Variants in DLGAP2 observed in about 807,000 individuals in gnomAD.
DLGAP2 encodes the protein disks large-associated protein 2.
Under a neutral mutation model 100.3 loss-of-function variants are expected in DLGAP2, and 26 were observed. The ratio of observed to expected loss-of-function variants is 0.26; its 90% CI spans 0.19 to 0.36. DLGAP2 has a LOEUF of 0.36. Ranked by LOEUF, DLGAP2 falls within the 10% of genes least tolerant of loss-of-function variation. The probability of loss-of-function intolerance (pLI) is 1.00; values close to 1 mark genes in which losing one functional copy is unlikely to be tolerated. For synonymous variants in DLGAP2, 886 were observed against 630.1 expected (o/e 1.41, Z -6.08); for missense variants, 1,858 against 1,453.2 (o/e 1.28, Z -4.53).
chr8:1,601,260 G>T (rs1220662528), intron 6 of DLGAP2, among the ~76,000 whole-genome samples: 1 of 152,186 alleles, frequency 6.6e-6, no homozygotes, highest in African/African-American at 2.4e-5. Context: ...GTCCCAGAGG[G>T]ACTCCTGCCA....
intron 3 of DLGAP2, among the ~76,000 whole-genome samples, chr8:1,418,319 C>T (rs1444102329): frequency 1.3e-5 from 2 of 152,110 alleles, no homozygotes; most frequent in African/African-American, 4.8e-5. Context: ...CTTTAGATGG[C>T]CTCAAACATG....
intron 3 of DLGAP2, among the ~76,000 whole-genome samples, chr8:1,327,921 C>T: frequency 6.6e-6 from 1 of 152,332 alleles, no homozygotes; most frequent in East Asian, 1.9e-4. Context: ...ATGGATCTTC[C>T]TCAGACTGTA....
chr8:1,031,345 A>G (rs770500049), intron 2 of DLGAP2, among the ~76,000 whole-genome samples: 2 of 151,760 alleles, frequency 1.3e-5, no homozygotes, highest in African/African-American at 2.4e-5. Flanking sequence ...TGTTAGTTAC[A>G]GTTGGGAAGC....
chr8:1,580,113 C>T lies in DLGAP2; in HGVS notation c.1442+14219C>T, dbSNP rs193244536. ...GATTTCATCAAAATTTAGGAGACAC[C>T]GTAAAATTAAAGCTCATTCTCAAGA... On this transcript the variant is annotated intron_variant, in intron 6 of 14. Transcript: ENST00000637795. Among the ~76,000 whole-genome samples the T allele has an allele frequency of 3.9e-5, 6 of 152,198 alleles. No individual in the cohort carries two copies. In the East Asian group the frequency reaches 9.7e-4, roughly 25 times the overall value.
At chr8:1,634,343 C>G (rs1797719817) in intron 8 of DLGAP2, among the ~76,000 whole-genome samples, 1 of 152,200 alleles carries the variant, frequency 6.6e-6, no homozygotes, top group African/African-American at 2.4e-5. Flanking sequence ...GGCAACAGAT[C>G]CTGGCTCTCT....
At chr8:1,518,171 C>T (rs538212824) in intron 4 of DLGAP2, among the ~76,000 whole-genome samples, 30 of 152,156 alleles carry the variant, frequency 2.0e-4, no homozygotes, top group African/African-American at 6.3e-4. Context: ...GTGACTTGTC[C>T]GTACCATTTA....
rs555795983 is a variant in DLGAP2, at chr8:1,313,842, T to A, written c.106+54959T>A. Reference sequence around the variant, plus strand: ...CGCCAAAACTGAACCTTGATAACCATCCCCCTCTCATATTCATCAGCAGCA... The same window carrying A: ...CGCCAAAACTGAACCTTGATAACCAACCCCCTCTCATATTCATCAGCAGCA... On this transcript the variant is annotated intron_variant, in intron 3 of 14. Transcript: ENST00000637795. Among the ~76,000 whole-genome samples, 10 of 152,000 alleles carry A rather than the reference T, an allele frequency of 6.6e-5. No homozygotes were observed. The South Asian group carries it at 2.1e-3, about 32-fold the overall frequency.
At chr8:827,132 G>A (rs888459367) in intron 1 of DLGAP2, among the ~76,000 whole-genome samples, 3 of 152,152 alleles carry the variant, frequency 2.0e-5, no homozygotes, top group South Asian at 2.1e-4. Flanking sequence ...CATGGTGGGG[G>A]ATGCCACAGA....
chr8:1,300,494 C>G (rs938264196), intron 3 of DLGAP2: 7 of 152,284 alleles, frequency 4.6e-5, no homozygotes, highest in African/African-American at 1.7e-4. Context: ...AGCCATGCTT[C>G]GTACTTGTCA....
At chr8:895,462 G>A (rs535957784) in intron 1 of DLGAP2, among the ~76,000 whole-genome samples, 9 of 152,272 alleles carry the variant, frequency 5.9e-5, no homozygotes, top group African/African-American at 1.2e-4. Context: ...GACGCTGCCC[G>A]TCCCCCCTTC....
intron 2 of DLGAP2, among the ~76,000 whole-genome samples, chr8:1,125,908 G>C (rs1796152534): frequency 6.6e-6 from 1 of 152,194 alleles, no homozygotes; most frequent in African/African-American, 2.4e-5. Context: ...AGTTGAAGAA[G>C]GACCCAGCGA....
intron 8 of DLGAP2, among the ~76,000 whole-genome samples, 151 bp downstream of exon 8, chr8:1,633,197 C>T (rs1797693437): frequency 6.6e-6 from 1 of 152,192 alleles, no homozygotes; most frequent in Non-Finnish European, 1.5e-5. Context: ...TACACTGTCA[C>T]ATTCGCAAGG....
chr8:1,488,269 C>T (rs998490972), intron 3 of DLGAP2, among the ~76,000 whole-genome samples: 19 of 152,138 alleles, frequency 1.2e-4, no homozygotes, highest in African/African-American at 3.1e-4. Context: ...CAAACACAGA[C>T]GCCCGTCTGG....
intron 3 of DLGAP2, among the ~76,000 whole-genome samples, chr8:1,337,002 A>C (rs914342742): frequency 9.8e-5 from 15 of 152,330 alleles, no homozygotes; most frequent in Middle Eastern, 3.4e-3. Flanking sequence ...TGAGGAGCAG[A>C]GGCAATGAGT....
At chr8:1,615,587 C>G (rs993354622) in intron 6 of DLGAP2, among the ~76,000 whole-genome samples, 1 of 150,988 alleles carries the variant, frequency 6.6e-6, no homozygotes, top group African/African-American at 2.4e-5. Context: ...ATTGTAAGGT[C>G]TTATGAATGA....
intron 4 of DLGAP2, among the ~76,000 whole-genome samples, chr8:1,529,346 G>T (rs551755474): frequency 6.6e-6 from 1 of 152,282 alleles, no homozygotes; most frequent in African/African-American, 2.4e-5. Context: ...GGGGATTATA[G>T]GGATTGTCAT....
chr8:767,232 G>A (rs1024415172), intron 1 of DLGAP2, among the ~76,000 whole-genome samples: 1 of 151,984 alleles, frequency 6.6e-6, no homozygotes, highest in Non-Finnish European at 1.5e-5. Flanking sequence ...TTGCTAGCAA[G>A]GAAATAAAAA....
intron 3 of DLGAP2, among the ~76,000 whole-genome samples, chr8:1,432,958 G>C (rs537659503): frequency 6.6e-6 from 1 of 152,138 alleles, no homozygotes; most frequent in Non-Finnish European, 1.5e-5. Context: ...CCCAGGGCCC[G>C]CTGTGCTGCT....
intron 5 of DLGAP2, among the ~76,000 whole-genome samples, chr8:1,557,101 C>G (rs945720138): frequency 3.9e-5 from 6 of 152,170 alleles, no homozygotes; most frequent in Non-Finnish European, 8.8e-5. Flanking sequence ...AGCAGCATTT[C>G]TGGGCTCCAC....
Sources: gnomAD v4.1 joint callset for allele counts (sites outside exome capture counted in the v4.1 genomes callset) on GRCh38, gnomAD v4.1.1 for gene constraint, MANE v1.5 for transcripts, NCBI Gene and HGNC (gene_info 2026-07-23, HGNC 2026-07-21) for gene names.